Variants in LPP observed in about 807,000 individuals in gnomAD.
LPP encodes the protein LIM domain containing preferred translocation partner in lipoma.
A neutral mutation model predicts 60.4 loss-of-function variants in LPP; 38 were observed. The ratio of observed to expected loss-of-function variants is 0.63; its 90% CI spans 0.49 to 0.83. The LOEUF (loss-of-function observed/expected upper bound fraction) is 0.83. LPP is among the 40% of genes least tolerant of loss of function. LPP has a pLI of 0.00. For synonymous variants in LPP, 328 were observed against 290.8 expected (o/e 1.13, Z -1.30); for missense variants, 902 against 783.6 (o/e 1.15, Z -1.80).
chr3:188,264,026 A>G (rs1428169976), intron 2 of LPP, among the ~76,000 whole-genome samples: 5 of 152,188 alleles, frequency 3.3e-5, no homozygotes, highest in Non-Finnish European at 7.3e-5. Context: ...TCCCAGAGCT[A>G]GGTGAGCTCT....
intron 5 of LPP, among the ~76,000 whole-genome samples, chr3:188,485,579 C>T (rs1806142622): frequency 1.3e-5 from 2 of 151,712 alleles, no homozygotes; most frequent in African/African-American, 4.8e-5. Context: ...GGGCGGATCA[C>T]GAGGTCAGGA....
chr3:188,252,366 CCT>C (rs1275578113), intron 2 of LPP, among the ~76,000 whole-genome samples: 2 of 39,302 alleles, frequency 5.1e-5, no homozygotes, highest in East Asian at 5.8e-4. Flanking sequence ...GTTTTTTTTT[CCT>C]CTCTCTCTCT....
intron 3 of LPP, among the ~76,000 whole-genome samples, chr3:188,392,967 A>C (rs995469949): frequency 6.6e-6 from 1 of 152,192 alleles, no homozygotes; most frequent in Non-Finnish European, 1.5e-5. Context: ...AATAGTTGTT[A>C]GTAATCCCTT....
intron 2 of LPP, among the ~76,000 whole-genome samples, chr3:188,240,468 A>T (rs1577479539): frequency 1.3e-5 from 2 of 151,932 alleles, no homozygotes; most frequent in East Asian, 1.9e-4. Context: ...TAGGCACAGA[A>T]TTTCTGAGTT....
chr3:188,272,366 G>A lies in LPP; in HGVS notation c.-67+46839G>A, dbSNP rs536769426. On this transcript the variant is annotated intron_variant, in intron 2 of 11. Coordinates refer to ENST00000617246, the MANE Select transcript of LPP (RefSeq NM_001375462.1). ...AGACCGTGCCATTATCTTCTTTAAC[G>A]GCAAACAGAACAAAAACAGAATCCT... 9.6e-4 allele frequency among the ~76,000 whole-genome samples: 146 copies of A among 152,222 alleles called. 1 individual carries two copies. The highest frequency in any genetic ancestry group is 3.5e-3 in the African/African-American group (144 of 41,530).
chr3:188,597,953 G>C (rs957487660), intron 6 of LPP, among the ~76,000 whole-genome samples: 4 of 152,144 alleles, frequency 2.6e-5, no homozygotes, highest in African/African-American at 9.7e-5. Context: ...CAAGACGTAA[G>C]GGTTATCATA....
At chr3:188,733,199 A>G (rs1447655630) in intron 8 of LPP, among the ~76,000 whole-genome samples, 2 of 152,048 alleles carry the variant, frequency 1.3e-5, no homozygotes, top group Admixed American at 6.5e-5. Context: ...TCTAAAGGGA[A>G]CATTTCTTTA....
At chr3:188,683,630 T>A (rs1219897400) in intron 7 of LPP, among the ~76,000 whole-genome samples, 1 of 152,200 alleles carries the variant, frequency 6.6e-6, no homozygotes, top group Non-Finnish European at 1.5e-5. Context: ...TTTCCTAAAT[T>A]AACAAAAAGG....
At chr3:188,473,769 C>T (rs1802447038) in intron 4 of LPP, among the ~76,000 whole-genome samples, 2 of 152,152 alleles carry the variant, frequency 1.3e-5, no homozygotes, top group Admixed American at 1.3e-4. Flanking sequence ...TCTCTTTATA[C>T]TCTTAAGGGA....
intron 8 of LPP, among the ~76,000 whole-genome samples, chr3:188,722,148 C>G (rs9810196): frequency 0.22 from 34,011 of 152,046 alleles, 4,790 homozygotes; most frequent in Middle Eastern, 0.46. Context: ...ATGAGAGGGT[C>G]ACTGCCTTGA....
At chr3:188,227,669 C>T (rs1718324069) in intron 2 of LPP, among the ~76,000 whole-genome samples, 1 of 152,124 alleles carries the variant, frequency 6.6e-6, no homozygotes, top group African/African-American at 2.4e-5. Context: ...TTCTGCAGCA[C>T]TTCTTGCTCT....
In LPP at chr3:188,883,944, C is replaced by G. The variant is rs1425027243; in HGVS notation, c.*9465C>G. 4.6e-6 allele frequency: 1 copy of G among 216,136 alleles called. No individual in the cohort carries two copies. Among genetic ancestry groups the G allele is most frequent in the African/African-American group, 2.3e-5 (1 of 44,402 alleles). 13.4% of individuals were successfully genotyped at this position (216,136 alleles called of 1,614,324 possible). A position where few individuals can be genotyped will look rare whatever the true frequency, so the allele number is the denominator to read the frequency against. On this transcript the variant is annotated 3_prime_UTR_variant, in exon 12 of 12. Transcript: ENST00000617246. ...ATGTACAAATGCTTTCCTCATTGCT[C>G]TGGATGACTATTTAGTTTAAATAAT... is the stretch of plus-strand genomic sequence containing the variant.
At chr3:188,552,730 G>C (rs531396711) in intron 6 of LPP, among the ~76,000 whole-genome samples, 1 of 152,248 alleles carries the variant, frequency 6.6e-6, no homozygotes, top group African/African-American at 2.4e-5. Context: ...ACCACAGCTG[G>C]GAAAGATTCT....
intron 1 of LPP, among the ~76,000 whole-genome samples, chr3:188,186,149 C>T (rs908379772): frequency 6.6e-6 from 1 of 152,122 alleles, no homozygotes; most frequent in African/African-American, 2.4e-5. Flanking sequence ...AACAGGAGTC[C>T]TTGTTGTCTG....
intron 8 of LPP, among the ~76,000 whole-genome samples, chr3:188,722,981 T>C (rs1426301351): frequency 6.6e-6 from 1 of 152,196 alleles, no homozygotes; most frequent in East Asian, 1.9e-4. Context: ...TGATGTTCTG[T>C]TGTAATTGGA....
Position 188,884,364 on chromosome 3 carries a change from G to T in LPP, c.*9885G>T, listed in dbSNP as rs1462319845. The T allele has an allele frequency of 8.7e-6, 2 of 230,442 alleles. No homozygotes were observed. The highest frequency in any genetic ancestry group is 1.7e-5 in the Non-Finnish European group (2 of 116,426). The allele number at this position is 230,442 out of a possible 1,614,324, so 14.3% of individuals were successfully genotyped here. On this transcript the variant is annotated 3_prime_UTR_variant, in exon 12 of 12. Transcript: ENST00000617246. ...CTTCTTACAGACTACCAAGCCCCCAGTCATCCAGGGAAATTCAGAGACCAA... is the reference window on the plus strand; with the variant it reads ...CTTCTTACAGACTACCAAGCCCCCATTCATCCAGGGAAATTCAGAGACCAA...
intron 3 of LPP, among the ~76,000 whole-genome samples, chr3:188,383,000 T>G (rs986712168): frequency 1.3e-5 from 2 of 152,170 alleles, no homozygotes; most frequent in Non-Finnish European, 2.9e-5. Context: ...CATAGAAAAG[T>G]AAGGCCGAGA....
intron 7 of LPP, among the ~76,000 whole-genome samples, chr3:188,658,485 C>G (rs567337572): frequency 6.6e-6 from 1 of 152,110 alleles, no homozygotes; most frequent in East Asian, 1.9e-4. Context: ...CTAAAACAAA[C>G]GACATACCCT....
chr3:188,574,794 A>G (rs140111747), intron 6 of LPP, among the ~76,000 whole-genome samples: 12 of 152,114 alleles, frequency 7.9e-5, no homozygotes, highest in African/African-American at 2.9e-4. Flanking sequence ...TCATCTTCAG[A>G]TATCTTTTCT....
Sources: gnomAD v4.1 joint callset for allele counts (sites outside exome capture counted in the v4.1 genomes callset) on GRCh38, gnomAD v4.1.1 for gene constraint, MANE v1.5 for transcripts, NCBI Gene and HGNC (gene_info 2026-07-23, HGNC 2026-07-21) for gene names.